The following AOPEP variants were observed in gnomAD, a reference collection of about 807,000 sequenced individuals.
The protein encoded by AOPEP is aminopeptidase O (putative), also known as aminopeptidase O.
A neutral mutation model predicts 98.1 loss-of-function variants in AOPEP; 77 were observed. The observed-to-expected ratio is 0.78, with a 90% CI of 0.65 to 0.95. AOPEP has a LOEUF of 0.95. Among genes scored for constraint, AOPEP ranks in the 40% least tolerant of loss-of-function variants. The pLI, the probability that AOPEP is intolerant of heterozygous loss-of-function variation, is 0.00. For missense variants in AOPEP, 1,024 were observed against 1,024.7 expected (o/e 1.00, Z 0.01); for synonymous variants, 346 against 365.3 (o/e 0.95, Z 0.60).
In AOPEP at chr9:95,012,693, A is replaced by G. The variant is rs551530601; in HGVS notation, c.2115+7077A>G. On this transcript the variant is annotated intron_variant, in intron 13 of 16. Coordinates refer to ENST00000375315, the MANE Select transcript of AOPEP (RefSeq NM_001193329.3). ...AGCGTGTATCGAGTCTAGCCAACAT[A>G]TATTTCCTTCTGGAAATATATGTTC... is the stretch of plus-strand genomic sequence containing the variant. 3.3e-5 allele frequency among the ~76,000 whole-genome samples: 5 copies of G among 152,136 alleles called. No homozygotes were observed. The East Asian group carries it at 9.7e-4, about 29-fold the overall frequency.
At chr9:95,060,575 C>A in intron 13 of AOPEP, 119 bp from the exon 14 acceptor site, 1 of 724,148 alleles carries the variant, frequency 1.4e-6, no homozygotes, top group Non-Finnish European at 2.5e-6. Flanking sequence ...TTCCATGTTG[C>A]CAATATATGC....
the AOPEP span, among the ~76,000 whole-genome samples, chr9:95,105,856 C>T: frequency 6.6e-6 from 1 of 152,206 alleles, no homozygotes; most frequent in Non-Finnish European, 1.5e-5. Context: ...ACAGATCACA[C>T]GGTGCATTGC....
the AOPEP span, chr9:95,126,585 TA>T: frequency 6.2e-7 from 1 of 1,614,004 alleles, no homozygotes; most frequent in Non-Finnish European, 8.5e-7. Flanking sequence ...CTTGAGGCTG[TA>T]AAAGGAGAAG....
At chr9:94,844,084 T>G (rs1055659186) in intron 5 of AOPEP, among the ~76,000 whole-genome samples, 2 of 152,092 alleles carry the variant, frequency 1.3e-5, no homozygotes, top group Admixed American at 1.3e-4. Context: ...TGAGGCAGAG[T>G]CTCCCTCTGT....
the AOPEP span, among the ~76,000 whole-genome samples, chr9:95,095,606 C>T: frequency 6.6e-6 from 1 of 152,176 alleles, no homozygotes; most frequent in South Asian, 2.1e-4. Context: ...CACCTTTTCT[C>T]CTGTGGTTTC....
downstream of AOPEP, among the ~76,000 whole-genome samples, chr9:95,087,507 AAAG>A (rs1269762779): frequency 4.9e-4 from 71 of 143,886 alleles, no homozygotes; most frequent in Non-Finnish European, 8.9e-4. Context: ...AAAAAAAAAA[AAAG>A]CACGTACAAG....
chr9:94,870,943 G>A (rs2046274594), intron 5 of AOPEP, among the ~76,000 whole-genome samples: 1 of 152,184 alleles, frequency 6.6e-6, no homozygotes, highest in Non-Finnish European at 1.5e-5. Context: ...GCCCTGATTG[G>A]ACTAGGCCAT....
chr9:94,920,517 C>T lies in AOPEP; in HGVS notation c.1365-3469C>T, dbSNP rs41305449. On this transcript the variant is annotated intron_variant, in intron 5 of 16. Transcript: ENST00000375315. ...TAGCCAGGGCCGCCAAGTGCTGGGT[C>T]GCTCCACCCACAGCAAGATGGGCCG... 9.5e-3 allele frequency among the ~76,000 whole-genome samples: 1,442 copies of T among 152,226 alleles called. 12 individuals carry two copies. The highest frequency in any genetic ancestry group is 0.041 in the Middle Eastern group (12 of 294).
chr9:94,878,569 C>T (rs984020050), intron 5 of AOPEP, among the ~76,000 whole-genome samples: 10 of 151,924 alleles, frequency 6.6e-5, no homozygotes, highest in Non-Finnish European at 1.2e-4. Context: ...TAAAACCTTG[C>T]GTTATTTAGT....
chr9:94,799,428 G>A (rs1218437667), intron 4 of AOPEP, among the ~76,000 whole-genome samples: 1 of 151,710 alleles, frequency 6.6e-6, no homozygotes, highest in Non-Finnish European at 1.5e-5. Flanking sequence ...AAGGCTGGAT[G>A]TGGCATGGCA....
At chr9:94,861,823 C>T (rs1198931544) in intron 5 of AOPEP, among the ~76,000 whole-genome samples, 1 of 152,178 alleles carries the variant, frequency 6.6e-6, no homozygotes, top group African/African-American at 2.4e-5. Context: ...CTGCATGGGT[C>T]GGGTCCTCCG....
intron 11 of AOPEP, among the ~76,000 whole-genome samples, chr9:94,998,070 A>T (rs1404195080): frequency 6.6e-6 from 1 of 152,116 alleles, no homozygotes; most frequent in African/African-American, 2.4e-5. Context: ...ACAGGCATTG[A>T]AGGGAATATA....
At chr9:94,818,911 A>G (rs747951823) in intron 5 of AOPEP, among the ~76,000 whole-genome samples, 2 of 152,180 alleles carry the variant, frequency 1.3e-5, no homozygotes, top group African/African-American at 2.4e-5. Context: ...GGAGAATGGC[A>G]TGAACCCAGG....
chr9:95,077,220 G>A (rs1213774947), intron 14 of AOPEP, among the ~76,000 whole-genome samples: 1 of 152,216 alleles, frequency 6.6e-6, no homozygotes, highest in African/African-American at 2.4e-5. Context: ...CTAGGCACGG[G>A]ACAGCACAGT....
At chr9:95,135,456 G>A in the AOPEP span, 38 of 1,614,040 alleles carry the variant, frequency 2.4e-5, no homozygotes, top group East Asian at 3.6e-4. Context: ...GGAAGGTGCC[G>A]AAGCCAGAGG....
At position 94,764,397 on chromosome 9, in the gene AOPEP, A is replaced by G. The variant is rs564203733; in HGVS notation, c.797+3817A>G. The stretch of plus-strand genomic sequence containing the variant: ...TGCAGTGGCTCACACCTGTAATCCT[A>G]GCACTTTGGGAGGCCGAGGTGGGCA... On this transcript the variant is annotated intron_variant, in intron 2 of 16. Transcript: ENST00000375315. 3.3e-5 allele frequency among the ~76,000 whole-genome samples: 5 copies of G among 152,350 alleles called. No homozygotes were observed. In the South Asian group the frequency reaches 6.2e-4, roughly 19 times the overall value.
chr9:94,785,082 G>A (rs1844112405), intron 3 of AOPEP, among the ~76,000 whole-genome samples: 2 of 151,968 alleles, frequency 1.3e-5, no homozygotes, highest in Non-Finnish European at 2.9e-5. Context: ...TTACAGGCAT[G>A]TGCCACTATG....
chr9:95,085,035 G>T (rs2070440367), intron 16 of AOPEP, among the ~76,000 whole-genome samples: 1 of 152,222 alleles, frequency 6.6e-6, no homozygotes, highest in South Asian at 2.1e-4. Flanking sequence ...CATTTTTATG[G>T]TCATCTCTGG....
intron 4 of AOPEP, among the ~76,000 whole-genome samples, chr9:94,797,261 G>A (rs577678392): frequency 5.8e-4 from 89 of 152,146 alleles, no homozygotes; most frequent in Admixed American, 1.2e-3. Context: ...GTGAAACCCC[G>A]TCTCTACTAA....
Sources: gnomAD v4.1 joint callset for allele counts (sites outside exome capture counted in the v4.1 genomes callset) on GRCh38, gnomAD v4.1.1 for gene constraint, MANE v1.5 for transcripts, NCBI Gene and HGNC (gene_info 2026-07-23, HGNC 2026-07-21) for gene names.